Variants in CDH13 observed in about 807,000 individuals in gnomAD.
The protein encoded by CDH13 is cadherin 13, also known as cadherin-13.
CDH13 carries 24 observed loss-of-function variants against 63.8 expected under a neutral mutation model. That is an observed-to-expected ratio of 0.38 (90% CI 0.27 to 0.53). CDH13 has a LOEUF of 0.53. Ranked by LOEUF, CDH13 falls within the 20% of genes least tolerant of loss-of-function variation. The pLI, the probability that CDH13 is intolerant of heterozygous loss-of-function variation, is 0.85. For missense variants in CDH13, 1,049 were observed against 903.1 expected (o/e 1.16, Z -2.07); for synonymous variants, 503 against 355.3 (o/e 1.42, Z -4.67).
chr16:83,413,425 C>T (rs1033001754), intron 6 of CDH13, among the ~76,000 whole-genome samples: 9 of 152,246 alleles, frequency 5.9e-5, no homozygotes, highest in East Asian at 1.9e-4. Flanking sequence ...ATGATAAAAC[C>T]GAGCGACTTT....
intron 2 of CDH13, among the ~76,000 whole-genome samples, chr16:82,972,317 G>T (rs373735571): frequency 1.3e-5 from 2 of 152,192 alleles, no homozygotes; most frequent in Admixed American, 1.3e-4. Context: ...CTGTGTTTGG[G>T]TGAGAAGCAG....
chr16:83,223,875 C>T (rs889732), intron 5 of CDH13, among the ~76,000 whole-genome samples: 149,777 of 152,288 alleles, frequency 0.98, 73,714 homozygotes, highest in East Asian at 1. Flanking sequence ...GAACAGGTGG[C>T]GTTTGGTTGC....
At chr16:83,217,167 T>C (rs1489522877) in intron 4 of CDH13, among the ~76,000 whole-genome samples, 178 bp from the exon 5 acceptor site, 3 of 152,218 alleles carry the variant, frequency 2.0e-5, no homozygotes, top group Non-Finnish European at 4.4e-5. Flanking sequence ...GATATTAGGA[T>C]GAAAGGCGTT....
At chr16:83,170,525 A>T (rs891612996) in intron 4 of CDH13, among the ~76,000 whole-genome samples, 2 of 152,094 alleles carry the variant, frequency 1.3e-5, no homozygotes, top group Non-Finnish European at 2.9e-5. Flanking sequence ...ATTCCACTCT[A>T]TCAGCCTTTG....
chr16:83,636,546 C>T (rs891802904), intron 8 of CDH13, among the ~76,000 whole-genome samples: 6 of 152,192 alleles, frequency 3.9e-5, no homozygotes, highest in African/African-American at 1.4e-4. Flanking sequence ...GTTTAGTTTT[C>T]TGCTTCTGTT....
intron 7 of CDH13, among the ~76,000 whole-genome samples, chr16:83,545,325 A>G (rs1197158392): frequency 2.0e-5 from 3 of 152,218 alleles, no homozygotes; most frequent in Non-Finnish European, 2.9e-5. Flanking sequence ...AAAATAGTGG[A>G]TGTGCTAAAT....
chr16:83,209,869 A>C (rs368279091), intron 4 of CDH13, among the ~76,000 whole-genome samples: 4 of 152,112 alleles, frequency 2.6e-5, no homozygotes, highest in African/African-American at 9.7e-5. Flanking sequence ...GCCGGCACCA[A>C]GTCCAGGAAG....
chr16:83,189,429 A>G (rs8044348), intron 4 of CDH13, among the ~76,000 whole-genome samples: 21,018 of 152,128 alleles, frequency 0.14, 1,944 homozygotes, highest in African/African-American at 0.26. Flanking sequence ...ATTGCCCCCA[A>G]TATTAACAAA....
chr16:82,961,300 G>T (rs1906950677), intron 2 of CDH13, among the ~76,000 whole-genome samples: 1 of 152,138 alleles, frequency 6.6e-6, no homozygotes, highest in Non-Finnish European at 1.5e-5. Flanking sequence ...TTTCCCAGGT[G>T]CCCACCTCAG....
At chr16:83,682,617 C>T (rs748674013) in intron 10 of CDH13, among the ~76,000 whole-genome samples, 9 of 152,128 alleles carry the variant, frequency 5.9e-5, no homozygotes, top group Admixed American at 2.6e-4. Context: ...CCCGAGAACA[C>T]GGTCACTTCC....
At chr16:82,645,511 G>T (rs1475260671) in intron 1 of CDH13, among the ~76,000 whole-genome samples, 1 of 152,022 alleles carries the variant, frequency 6.6e-6, no homozygotes, top group Non-Finnish European at 1.5e-5. Flanking sequence ...CATCTAGTGG[G>T]CAGAGCTCAG....
At chr16:83,699,271 T>A (rs1905856031) in intron 10 of CDH13, among the ~76,000 whole-genome samples, 1 of 152,214 alleles carries the variant, frequency 6.6e-6, no homozygotes, top group East Asian at 1.9e-4. Flanking sequence ...GCACCAGTTG[T>A]TTTTCTGTCA....
chr16:83,008,743 T>C (rs1387030330), intron 2 of CDH13, among the ~76,000 whole-genome samples: 2 of 152,212 alleles, frequency 1.3e-5, no homozygotes, highest in East Asian at 3.9e-4. Flanking sequence ...GAGGCCTTCC[T>C]CTCTTTCTCC....
chr16:83,712,115 C>T (rs1908152789), intron 10 of CDH13, among the ~76,000 whole-genome samples: 1 of 152,176 alleles, frequency 6.6e-6, no homozygotes, highest in South Asian at 2.1e-4. Flanking sequence ...CTATAGTGAT[C>T]TCCTTTTAAC....
chr16:83,800,495 T>C lies in CDH13; in HGVS notation c.*5465T>C, dbSNP rs1001171774. On this transcript the variant is annotated 3_prime_UTR_variant, in exon 14 of 14. Transcript: ENST00000567109. ...TAATCATGTTAAAATATTCAGTCTA[T>C]GGCAGATGTCGCTCCTTTGGGCCCT... 2.0e-5 allele frequency: 3 copies of C among 152,256 alleles called. No homozygotes were observed. Among genetic ancestry groups the C allele is most frequent in the African/African-American group, 4.8e-5 (2 of 41,474 alleles). 9.4% of individuals were successfully genotyped at this position (152,256 alleles called of 1,614,324 possible). A position where few individuals can be genotyped will look rare whatever the true frequency, so the allele number is the denominator to read the frequency against.
At chr16:82,639,435 G>C (rs754321991) in intron 1 of CDH13, 4 of 1,535,414 alleles carry the variant, frequency 2.6e-6, no homozygotes, top group Non-Finnish European at 3.5e-6. Context: ...AGATGCCTGG[G>C]CGTGACCCAC....
At chr16:83,660,874 G>C (rs956539238) in intron 8 of CDH13, among the ~76,000 whole-genome samples, 11 of 152,112 alleles carry the variant, frequency 7.2e-5, no homozygotes, top group Non-Finnish European at 1.0e-4. Context: ...AGAAACTCAA[G>C]TGAAGGAGAG....
At chr16:82,872,878 G>A (rs1315766410) in intron 2 of CDH13, among the ~76,000 whole-genome samples, 2 of 152,144 alleles carry the variant, frequency 1.3e-5, no homozygotes, top group Non-Finnish European at 2.9e-5. Flanking sequence ...TAAGTATAAG[G>A]GATAAAGCTT....
At chr16:83,001,096 T>C (rs1371727123) in intron 2 of CDH13, among the ~76,000 whole-genome samples, 1 of 152,250 alleles carries the variant, frequency 6.6e-6, no homozygotes, top group Non-Finnish European at 1.5e-5. Context: ...TTAATCTGTT[T>C]ATGTGAGAAT....
Sources: gnomAD v4.1 joint callset for allele counts (sites outside exome capture counted in the v4.1 genomes callset) on GRCh38, gnomAD v4.1.1 for gene constraint, MANE v1.5 for transcripts, NCBI Gene and HGNC (gene_info 2026-07-23, HGNC 2026-07-21) for gene names.